PTN: variants seen among roughly 807,000 people sequenced by gnomAD.
The protein encoded by PTN is heparin affin regulatory protein.
A neutral mutation model predicts 24.1 loss-of-function variants in PTN; 18 were observed. The ratio of observed to expected loss-of-function variants is 0.75; its 90% CI spans 0.52 to 1.11. The LOEUF (loss-of-function observed/expected upper bound fraction) is 1.11. Ranked by LOEUF, PTN falls within the 50% of genes least tolerant of loss-of-function variation. The probability of loss-of-function intolerance (pLI) is 0.00; values close to 1 mark genes in which losing one functional copy is unlikely to be tolerated. For synonymous variants in PTN, 78 were observed against 68.6 expected (o/e 1.14, Z -0.67); for missense variants, 163 against 198.8 (o/e 0.82, Z 1.08).
intron 1 of PTN, among the ~76,000 whole-genome samples, chr7:137,342,908 C>T (rs985177345): frequency 2.6e-5 from 4 of 152,036 alleles, no homozygotes; most frequent in East Asian, 1.9e-4. Context: ...CCGTGAGAGA[C>T]GTTTCATGTC....
chr7:137,248,075 A>G (rs2128870355), intron 4 of PTN, among the ~76,000 whole-genome samples: 1 of 152,304 alleles, frequency 6.6e-6, no homozygotes, highest in East Asian at 1.9e-4. Context: ...AAACACCTAG[A>G]GCAATGTATA....
rs142905210 is a variant in PTN, at chr7:137,254,942, C to T, written c.32G>A (p.Arg11Gln). The T allele has an allele frequency of 2.9e-5, 46 of 1,577,634 alleles. No individual in the cohort carries two copies. The African/African-American group carries it at 4.0e-4, about 14-fold the overall frequency. The change falls in exon 2 of 5, where the codon CGA (arginine) becomes CAA (glutamine). Residue 11 changes from arginine (R) to glutamine (Q), a missense_variant. Coordinates refer to ENST00000348225, the MANE Select transcript of PTN (RefSeq NM_002825.7). Reference sequence around the variant, plus strand: ...TGCCAAGAAGGCAGCTGCAAATTTTCGACGCTGCTGCTGGTACTGTTGAGC... The same window carrying T: ...TGCCAAGAAGGCAGCTGCAAATTTTTGACGCTGCTGCTGGTACTGTTGAGC... MQAQQYQQQR[R>Q]KFAAAFLAFI...
chr7:137,279,139 C>A (rs1809423529), intron 1 of PTN, among the ~76,000 whole-genome samples: 1 of 151,612 alleles, frequency 6.6e-6, no homozygotes, highest in Admixed American at 6.6e-5. Context: ...TCCTAATAAA[C>A]AAAAACATTA....
chr7:137,306,814 A>G (rs887930969), intron 1 of PTN, among the ~76,000 whole-genome samples: 15 of 152,148 alleles, frequency 9.9e-5, no homozygotes, highest in African/African-American at 3.1e-4. Context: ...CATTCATGTT[A>G]GTATGTCATG....
At chr7:137,339,007 TG>T (rs1239559539) in intron 1 of PTN, among the ~76,000 whole-genome samples, 2 of 150,800 alleles carry the variant, frequency 1.3e-5, no homozygotes, top group African/African-American at 4.9e-5. Context: ...TGGAAATAAA[TG>T]TACACATTTG....
chr7:137,253,662 T>C (rs1267079430), intron 2 of PTN, 25 bp from the exon 3 acceptor site: 1 of 1,499,404 alleles, frequency 6.7e-7, no homozygotes, highest in South Asian at 1.4e-5. Context: ...GAAAACCTAA[T>C]CAACATACAG....
At chr7:137,307,642 G>C (rs1340182798) in intron 1 of PTN, among the ~76,000 whole-genome samples, 1 of 151,852 alleles carries the variant, frequency 6.6e-6, no homozygotes, top group Non-Finnish European at 1.5e-5. Flanking sequence ...TACCTCCACA[G>C]TATGTATACA....
intron 1 of PTN, among the ~76,000 whole-genome samples, chr7:137,309,312 T>C (rs1211043546): frequency 6.6e-6 from 1 of 152,228 alleles, no homozygotes; most frequent in African/African-American, 2.4e-5. Context: ...TATATGCTAA[T>C]GAGCATCTGA....
At chr7:137,269,472 CA>C (rs1034665719) in intron 1 of PTN, among the ~76,000 whole-genome samples, 8 of 151,990 alleles carry the variant, frequency 5.3e-5, no homozygotes, top group African/African-American at 1.9e-4. Context: ...TTGTTTTGTT[CA>C]AATACCAATA....
At chr7:137,335,805 A>G (rs1810437963) in intron 1 of PTN, among the ~76,000 whole-genome samples, 1 of 152,222 alleles carries the variant, frequency 6.6e-6, no homozygotes, top group South Asian at 2.1e-4. Flanking sequence ...ATATTTAGTG[A>G]GAATAACCAA....
chr7:137,332,239 A>G (rs1810371109), intron 1 of PTN, among the ~76,000 whole-genome samples: 1 of 152,202 alleles, frequency 6.6e-6, no homozygotes, highest in South Asian at 2.1e-4. Flanking sequence ...GGGTGCTAAC[A>G]GTGGTGCCTA....
chr7:137,252,426 T>C (rs1015591005), intron 3 of PTN, among the ~76,000 whole-genome samples: 18 of 151,928 alleles, frequency 1.2e-4, no homozygotes, highest in African/African-American at 4.4e-4. Flanking sequence ...TGTTTTGTTG[T>C]TTACTGTTGA....
intron 1 of PTN, among the ~76,000 whole-genome samples, chr7:137,342,900 G>T (rs571038608): frequency 6.6e-6 from 1 of 152,152 alleles, no homozygotes; most frequent in African/African-American, 2.4e-5. Context: ...CAGTAGTTCC[G>T]TGAGAGACGT....
chr7:137,316,138 C>A (rs1299091196), intron 1 of PTN, among the ~76,000 whole-genome samples: 2 of 152,164 alleles, frequency 1.3e-5, no homozygotes, highest in African/African-American at 4.8e-5. Context: ...TGAACAGAAT[C>A]ATCTCTTAAG....
chr7:137,299,460 A>G (rs948863513), intron 1 of PTN, among the ~76,000 whole-genome samples: 4 of 151,998 alleles, frequency 2.6e-5, no homozygotes, highest in Non-Finnish European at 4.4e-5. Context: ...GAACAGAGCT[A>G]GGGCTTAAAG....
chr7:137,278,981 T>TAATAATAAAAAA (rs1554466684), intron 1 of PTN, among the ~76,000 whole-genome samples: 24 of 140,410 alleles, frequency 1.7e-4, no homozygotes, highest in Non-Finnish European at 1.7e-4. Context: ...ATAATAATAA[T>TAATAATAAAAAA]AAAATAAAGA....
intron 4 of PTN, among the ~76,000 whole-genome samples, chr7:137,247,864 T>G (rs2128870312): frequency 6.6e-6 from 1 of 152,220 alleles, no homozygotes; most frequent in South Asian, 2.1e-4. Context: ...CCCATGGAGG[T>G]TAGTTCATAC....
chr7:137,248,471 A>C (rs1250477850), intron 4 of PTN, among the ~76,000 whole-genome samples: 1 of 152,166 alleles, frequency 6.6e-6, no homozygotes, highest in Non-Finnish European at 1.5e-5. Flanking sequence ...GTATCATTTG[A>C]GGTCTGGAGT....
intron 1 of PTN, among the ~76,000 whole-genome samples, chr7:137,304,875 G>A (rs193116705): frequency 1.4e-3 from 214 of 151,990 alleles, no homozygotes; most frequent in African/African-American, 4.8e-3. Flanking sequence ...GCTAAGAGTT[G>A]GGAACTAAGG....
Sources: allele counts gnomAD v4.1 joint callset (sites outside exome capture counted in the v4.1 genomes callset), GRCh38; gene constraint gnomAD v4.1.1; transcripts MANE v1.5; gene names NCBI Gene and HGNC (gene_info 2026-07-23, HGNC 2026-07-21).